The following PXDNL variants were observed in gnomAD, a reference collection of about 807,000 sequenced individuals.
The protein encoded by PXDNL is probable oxidoreductase PXDNL.
A neutral mutation model predicts 150.8 loss-of-function variants in PXDNL; 145 were observed. That is an observed-to-expected ratio of 0.96 (90% CI 0.84 to 1.10). The LOEUF (loss-of-function observed/expected upper bound fraction) is 1.10. Ranked by LOEUF, PXDNL falls within the 50% of genes least tolerant of loss-of-function variation. PXDNL has a pLI of 0.00. For missense variants in PXDNL, 2,087 were observed against 1,873.9 expected (o/e 1.11, Z -2.10); for synonymous variants, 757 against 725.7 (o/e 1.04, Z -0.69).
intron 3 of PXDNL, among the ~76,000 whole-genome samples, chr8:51,578,086 G>GAGAA (rs552656487): frequency 8.3e-5 from 10 of 119,892 alleles, no homozygotes; most frequent in African/African-American, 2.6e-4. Flanking sequence ...GAAAGAAAAA[G>GAGAA]AGAAAGAAAG....
chr8:51,665,455 T>C (rs1397315369), intron 1 of PXDNL, among the ~76,000 whole-genome samples: 1 of 152,190 alleles, frequency 6.6e-6, no homozygotes, highest in Non-Finnish European at 1.5e-5. Flanking sequence ...TTTTATAACA[T>C]TTTAAACACC....
intron 2 of PXDNL, among the ~76,000 whole-genome samples, chr8:51,624,099 C>CAAAA (rs59841822): frequency 4.0e-4 from 32 of 79,566 alleles, no homozygotes; most frequent in South Asian, 6.8e-4. Context: ...TCTCAAATTA[C>CAAAA]AAAAAAAAAA....
intron 1 of PXDNL, among the ~76,000 whole-genome samples, chr8:51,722,341 T>A (rs1389612302): frequency 2.6e-5 from 4 of 152,164 alleles, no homozygotes; most frequent in Non-Finnish European, 5.9e-5. Context: ...GGGCCAGAGC[T>A]CCTGGGCTCT....
At chr8:51,360,494 T>C (rs117130666) in intron 19 of PXDNL, among the ~76,000 whole-genome samples, 1 of 152,306 alleles carries the variant, frequency 6.6e-6, no homozygotes, top group Non-Finnish European at 1.5e-5. Flanking sequence ...CATACACATG[T>C]ATATATGTAC....
At chr8:51,596,252 G>A (rs1471870797) in intron 2 of PXDNL, among the ~76,000 whole-genome samples, 1 of 152,148 alleles carries the variant, frequency 6.6e-6, no homozygotes, top group African/African-American at 2.4e-5. Flanking sequence ...TGGCTGCATA[G>A]TATTCCATGG....
At chr8:51,536,200 C>T (rs28758768) in intron 4 of PXDNL, among the ~76,000 whole-genome samples, 4,628 of 152,138 alleles carry the variant, frequency 0.03, 264 homozygotes, top group African/African-American at 0.11. Flanking sequence ...AGGCTAGAGC[C>T]GAAGCAACCT....
chr8:51,363,308 C>A (rs566573128), intron 19 of PXDNL, among the ~76,000 whole-genome samples: 2 of 151,474 alleles, frequency 1.3e-5, no homozygotes, highest in East Asian at 4.0e-4. Flanking sequence ...AGTGAAGGTA[C>A]TGTAACAGGA....
intron 4 of PXDNL, among the ~76,000 whole-genome samples, chr8:51,549,738 CACAA>C (rs1331823035): frequency 7.2e-6 from 1 of 139,538 alleles, no homozygotes; most frequent in Non-Finnish European, 1.5e-5. Context: ...TCTAAAAGAG[CACAA>C]ACAGACAATC....
chr8:51,618,834 G>T (rs1024381872), intron 2 of PXDNL, among the ~76,000 whole-genome samples: 3 of 152,148 alleles, frequency 2.0e-5, no homozygotes, highest in African/African-American at 7.2e-5. Context: ...GTGGTGCCCA[G>T]TCTGGATCTT....
intron 3 of PXDNL, among the ~76,000 whole-genome samples, chr8:51,588,053 T>C (rs1349451900): frequency 6.6e-6 from 1 of 152,130 alleles, no homozygotes; most frequent in Non-Finnish European, 1.5e-5. Flanking sequence ...CTTAAGGTGA[T>C]TGCTAGAGGA....
chr8:51,471,916 G>C (rs1810345460), intron 8 of PXDNL, among the ~76,000 whole-genome samples: 1 of 152,052 alleles, frequency 6.6e-6, no homozygotes, highest in South Asian at 2.1e-4. Context: ...TCGATCTCCT[G>C]ACCTTGTGTG....
chr8:51,548,909 C>T (rs1041314862), intron 4 of PXDNL, among the ~76,000 whole-genome samples: 16 of 152,218 alleles, frequency 1.1e-4, no homozygotes, highest in African/African-American at 2.9e-4. Flanking sequence ...AATCCAACAG[C>T]CAAGTCTTGC....
chr8:51,608,185 C>T (rs1172500363), intron 2 of PXDNL, among the ~76,000 whole-genome samples: 10 of 147,626 alleles, frequency 6.8e-5, no homozygotes, highest in Non-Finnish European at 1.5e-4. Flanking sequence ...GTCAGGAGAT[C>T]AAGACCATCC....
At chr8:51,723,606 C>T (rs1816770566) in intron 1 of PXDNL, among the ~76,000 whole-genome samples, 1 of 152,170 alleles carries the variant, frequency 6.6e-6, no homozygotes, top group Non-Finnish European at 1.5e-5. Context: ...TCACAGAGAC[C>T]TGGGAGGGCT....
intron 19 of PXDNL, among the ~76,000 whole-genome samples, chr8:51,347,203 A>G (rs1439695313): frequency 6.6e-6 from 1 of 152,218 alleles, no homozygotes; most frequent in Admixed American, 6.5e-5. Flanking sequence ...CTGGGCAGCT[A>G]GCAAGTTATT....
At chr8:51,626,634 G>A (rs1284665716) in intron 2 of PXDNL, among the ~76,000 whole-genome samples, 2 of 152,150 alleles carry the variant, frequency 1.3e-5, no homozygotes, top group Non-Finnish European at 2.9e-5. Context: ...ACTTAGTTAT[G>A]TCAGCAACCA....
chr8:51,576,100 T>A (rs1262666955), intron 3 of PXDNL, among the ~76,000 whole-genome samples: 1 of 151,100 alleles, frequency 6.6e-6, no homozygotes, highest in Non-Finnish European at 1.5e-5. Context: ...TTCTCAACAA[T>A]TGATGGAAGA....
At chr8:51,744,074 G>GC (rs2130959325) in intron 1 of PXDNL, among the ~76,000 whole-genome samples, 1 of 72,318 alleles carries the variant, frequency 1.4e-5, no homozygotes, top group South Asian at 5.5e-4. Flanking sequence ...AGGAAGGAAG[G>GC]AAGGAAGGAA....
rs1808466924 is a variant in PXDNL, at chr8:51,407,403, T to C, written c.3557+664A>G. 2.0e-5 allele frequency among the ~76,000 whole-genome samples: 3 copies of C among 152,222 alleles called. No homozygotes were observed. In the South Asian group the frequency reaches 6.2e-4, roughly 32 times the overall value. ...ATTAATAAATATTAGTCTCCTATATTTAACCTACTACAGACAAAACTTCTT... is the reference window on the plus strand; with the variant it reads ...ATTAATAAATATTAGTCTCCTATATCTAACCTACTACAGACAAAACTTCTT... On this transcript the variant is annotated intron_variant, in intron 17 of 22. Coordinates refer to ENST00000356297, the MANE Select transcript of PXDNL (RefSeq NM_144651.5).
Sources: gnomAD v4.1 joint callset for allele counts (sites outside exome capture counted in the v4.1 genomes callset) on GRCh38, gnomAD v4.1.1 for gene constraint, MANE v1.5 for transcripts, NCBI Gene and HGNC (gene_info 2026-07-23, HGNC 2026-07-21) for gene names.